The following SCGN variants were observed in gnomAD, a reference collection of about 807,000 sequenced individuals.
The protein encoded by SCGN is secretagogin, EF-hand calcium binding protein.
Under a neutral mutation model 39.7 loss-of-function variants are expected in SCGN, and 30 were observed. The ratio of observed to expected loss-of-function variants is 0.76; its 90% CI spans 0.57 to 1.03. The LOEUF (loss-of-function observed/expected upper bound fraction) is 1.03, where lower values mean the gene tolerates loss of function less well. Ranked by LOEUF, SCGN falls within the 50% of genes least tolerant of loss-of-function variation. The pLI, the probability that SCGN is intolerant of heterozygous loss-of-function variation, is 0.00. For synonymous variants in SCGN, 106 were observed against 114.1 expected, an observed-to-expected ratio of 0.93 and a Z score of 0.45; for missense variants, 353 against 349.4, an observed-to-expected ratio of 1.01 and a Z score of -0.08.
At chr6:25,670,986 A>G (rs985694393) in intron 6 of SCGN, among the ~76,000 whole-genome samples, 3 of 152,144 alleles carry the variant, frequency 2.0e-5, no homozygotes, top group African/African-American at 7.2e-5. Context: ...AAGCAAGGAA[A>G]TTTGCTGACA....
intron 6 of SCGN, among the ~76,000 whole-genome samples, chr6:25,677,853 A>G (rs567004229): frequency 6.6e-6 from 1 of 152,298 alleles, no homozygotes; most frequent in African/African-American, 2.4e-5. Flanking sequence ...AAAGTCACAG[A>G]CTTCCTCTCC....
At chr6:25,663,963 A>T (rs899957872) in intron 3 of SCGN, among the ~76,000 whole-genome samples, 1 of 152,208 alleles carries the variant, frequency 6.6e-6, no homozygotes, top group Non-Finnish European at 1.5e-5. Context: ...ACACTGAGCA[A>T]ACTACTCAGT....
At chr6:25,689,102 A>G (rs1759742058) in intron 7 of SCGN, 70 bp from the exon 8 acceptor site, 1 of 1,067,066 alleles carries the variant, frequency 9.4e-7, no homozygotes, top group African/African-American at 1.6e-5. Context: ...TCCACACACC[A>G]GGGCTATAAG....
At chr6:25,658,613 A>G (rs896179374) in intron 2 of SCGN, among the ~76,000 whole-genome samples, 1 of 152,140 alleles carries the variant, frequency 6.6e-6, no homozygotes, top group Non-Finnish European at 1.5e-5. Flanking sequence ...TATAGATGCT[A>G]TTTTTTAGTT....
intron 10 of SCGN, among the ~76,000 whole-genome samples, chr6:25,700,241 C>CAAAAAA (rs34079471): frequency 2.0e-5 from 2 of 100,828 alleles, no homozygotes; most frequent in East Asian, 2.7e-4. Context: ...GACTTCGTCT[C>CAAAAAA]AAAAAAAAAA....
At chr6:25,683,603 T>A (rs2151381286) in intron 7 of SCGN, among the ~76,000 whole-genome samples, 1 of 151,592 alleles carries the variant, frequency 6.6e-6, no homozygotes, top group Middle Eastern at 3.4e-3. Flanking sequence ...GGAAAGCAGT[T>A]AATGATAAAA....
At chr6:25,689,649 T>A in intron 9 of SCGN, 117 bp downstream of exon 9, 1 of 798,396 alleles carries the variant, frequency 1.3e-6, no homozygotes, top group Non-Finnish European at 2.1e-6. Context: ...ACCAATCCCA[T>A]CTGTGTGTTC....
chr6:25,652,892 C>T (rs1027866757), intron 1 of SCGN, among the ~76,000 whole-genome samples: 1 of 152,080 alleles, frequency 6.6e-6, no homozygotes, highest in Admixed American at 6.5e-5. Flanking sequence ...CCCTCACTCT[C>T]TCAAAATGAG....
At chr6:25,688,801 C>CAAAAAAAAAAAAAAA (rs10626691) in intron 7 of SCGN, among the ~76,000 whole-genome samples, 7 of 103,120 alleles carry the variant, frequency 6.8e-5, no homozygotes, top group East Asian at 3.4e-4. Context: ...GATTCTGTCT[C>CAAAAAAAAAAAAAAA]AAAAAAAAAA....
chr6:25,680,352 C>T (rs1026051298), intron 6 of SCGN, among the ~76,000 whole-genome samples: 11 of 152,180 alleles, frequency 7.2e-5, no homozygotes, highest in Non-Finnish European at 1.5e-4. Flanking sequence ...CAGACACAGC[C>T]GAATATGTGT....
At position 25,665,012 on chromosome 6, in the gene SCGN, A is replaced by G; in HGVS notation, c.316A>G (p.Ser106Gly). 6.2e-7 allele frequency: 1 copy of G among 1,613,886 alleles called. No individual in the cohort carries two copies. Residue 106 changes from serine (S) to glycine (G), a missense_variant, in exon 4 of 11, where the codon AGC becomes GGC. Coordinates refer to ENST00000377961, the MANE Select transcript of SCGN (RefSeq NM_006998.4). ...CTTTCGCCGGGAAAACCCACTGGAC[A>G]GCAGCGTGGAGTTTATGCAGGTGAG... ...LLFRRENPLD[S>G]SVEFMQIWRK...
intron 7 of SCGN, among the ~76,000 whole-genome samples, chr6:25,688,011 T>A (rs1759727013): frequency 1.3e-5 from 2 of 152,228 alleles, no homozygotes; most frequent in African/African-American, 4.8e-5. Context: ...TTTCTGTTGT[T>A]AAAATTTTAT....
chr6:25,689,265 C>G, intron 8 of SCGN, 48 bp downstream of exon 8: 1 of 1,378,022 alleles, frequency 7.3e-7, no homozygotes, highest in Non-Finnish European at 1.0e-6. Flanking sequence ...TGCTGTTTCT[C>G]TACGGATTTG....
intron 1 of SCGN, 121 bp from the exon 2 acceptor site, chr6:25,653,261 A>G (rs1760165685): frequency 2.9e-6 from 2 of 695,528 alleles, no homozygotes; most frequent in Admixed American, 2.6e-5. Flanking sequence ...TGTTATTGGA[A>G]TAACAAAAAA....
At chr6:25,687,975 G>T (rs1168269088) in intron 7 of SCGN, among the ~76,000 whole-genome samples, 1 of 151,976 alleles carries the variant, frequency 6.6e-6, no homozygotes, top group African/African-American at 2.4e-5. Context: ...TTTTACTTCT[G>T]TATAGTTCAA....
chr6:25,665,239 G>T (rs1760406098), intron 4 of SCGN, among the ~76,000 whole-genome samples: 1 of 152,250 alleles, frequency 6.6e-6, no homozygotes, highest in Non-Finnish European at 1.5e-5. Flanking sequence ...GTGCTCCTGA[G>T]CTGACAGGCT....
intron 4 of SCGN, among the ~76,000 whole-genome samples, chr6:25,668,939 A>G (rs1582576688): frequency 6.6e-6 from 1 of 152,018 alleles, no homozygotes. Flanking sequence ...GTGAAACCCC[A>G]TCTCTACTAA....
At chr6:25,668,343 C>G (rs2151378778) in intron 4 of SCGN, among the ~76,000 whole-genome samples, 1 of 152,090 alleles carries the variant, frequency 6.6e-6, no homozygotes, top group South Asian at 2.1e-4. Context: ...TTAAATAAAA[C>G]AGTTCAGTGC....
At position 25,675,426 on chromosome 6, in the gene SCGN, G is replaced by A. The variant is rs115727357; in HGVS notation, c.471+5350G>A. ...AACGGTTATGTGCAATCCTAAGTTT[G>A]TTCTGCCTCTGTATCCCTGCTTTCA... On this transcript the variant is annotated intron_variant, in intron 6 of 10. Transcript: ENST00000377961. Among the ~76,000 whole-genome samples the A allele has an allele frequency of 6.4e-3, 979 of 152,322 alleles. 15 individuals carry two copies. The highest frequency in any genetic ancestry group is 0.015 in the African/African-American group (630 of 41,568).
Sources: allele counts gnomAD v4.1 joint callset (sites outside exome capture counted in the v4.1 genomes callset), GRCh38; gene constraint gnomAD v4.1.1; transcripts MANE v1.5; gene names NCBI Gene and HGNC (gene_info 2026-07-23, HGNC 2026-07-21).